CCDC69: variants seen among roughly 807,000 people sequenced by gnomAD.
The protein encoded by CCDC69 is coiled-coil domain containing 69.
Under a neutral mutation model 40.3 loss-of-function variants are expected in CCDC69, and 38 were observed. That is an observed-to-expected ratio of 0.94 (90% CI 0.73 to 1.24). The LOEUF is 1.24. Among genes scored for constraint, CCDC69 ranks in the 50% most tolerant of loss-of-function variants. The pLI, the probability that CCDC69 is intolerant of heterozygous loss-of-function variation, is 0.00. For synonymous variants in CCDC69, 141 were observed against 138.9 expected (o/e 1.02, Z -0.11); for missense variants, 389 against 357.9 (o/e 1.09, Z -0.70).
intron 4 of CCDC69, among the ~76,000 whole-genome samples, chr5:151,192,530 T>C (rs558434394): frequency 6.6e-6 from 1 of 152,294 alleles, no homozygotes; most frequent in South Asian, 2.1e-4. Flanking sequence ...ATTGAATTTG[T>C]TGTTAAACAC....
Position 151,199,192 on chromosome 5 carries a change from C to T in CCDC69, c.232-108G>A, listed in dbSNP as rs180965474. ...GAACTTGGTGACCAGAGTCCTAACC[C>T]TTCCTCTGAGGGATGGGAATGACAC... On this transcript the variant is annotated intron_variant, in intron 3 of 8. Coordinates refer to ENST00000355417, the MANE Select transcript of CCDC69 (RefSeq NM_015621.3). 440 of 863,366 alleles carry T rather than the reference C, an allele frequency of 5.1e-4. 4 individuals are homozygous for T. In the East Asian group the frequency reaches 9.7e-3, roughly 19 times the overall value. 53.5% of individuals were successfully genotyped at this position (863,366 alleles called of 1,614,324 possible).
intron 6 of CCDC69, 35 bp downstream of exon 6, chr5:151,185,988 C>T (rs1171612555): frequency 1.4e-6 from 2 of 1,475,682 alleles, no homozygotes; most frequent in South Asian, 1.1e-5. Flanking sequence ...CCTGGAGATT[C>T]AAGGAGGAAA....
At chr5:151,214,406 GT>G (rs1753004303) in intron 1 of CCDC69, among the ~76,000 whole-genome samples, 1 of 151,934 alleles carries the variant, frequency 6.6e-6, no homozygotes. Flanking sequence ...GTTGAGAAAT[GT>G]TAGTGTTCAC....
chr5:151,201,704 C>CA lies in CCDC69; in HGVS notation c.125-17dup, dbSNP rs1222060128. Reference sequence around the variant, plus strand: ...ACAGTTATAGCTAGAGATGAAAAAGCAAAAAAATAAAAATAAAAAAACTCA... The same window carrying CA: ...ACAGTTATAGCTAGAGATGAAAAAGCAAAAAAAATAAAAATAAAAAAACTCA... On this transcript the variant is annotated splice_polypyrimidine_tract_variant and intron_variant, in intron 2 of 8. Coordinates refer to ENST00000355417, the MANE Select transcript of CCDC69 (RefSeq NM_015621.3). The CA allele has an allele frequency of 3.2e-6, 5 of 1,543,808 alleles. No individual in the cohort carries two copies. The highest frequency in any genetic ancestry group is 1.2e-5 in the South Asian group (1 of 84,430).
chr5:151,184,195 T>G lies in CCDC69; in HGVS notation c.713+149A>C, dbSNP rs908563458. ...AGCAGAACTGCCCCCTTGGGTTTCT[T>G]GACTCCCAGGGAAAGAGGAGCCACA... On this transcript the variant is annotated intron_variant, in intron 8 of 8. Transcript: ENST00000355417. 6 of 630,888 alleles carry G rather than the reference T, an allele frequency of 9.5e-6. No individual in the cohort carries two copies. In the Admixed American group the frequency reaches 1.5e-4, roughly 15 times the overall value. The allele number at this position is 630,888 out of a possible 1,614,324, so 39.1% of individuals were successfully genotyped here.
At position 151,183,107 on chromosome 5, in the gene CCDC69, C is replaced by A. The variant is rs1766667054; in HGVS notation, c.*330G>T. On this transcript the variant is annotated 3_prime_UTR_variant, in exon 9 of 9. Coordinates refer to ENST00000355417, the MANE Select transcript of CCDC69 (RefSeq NM_015621.3). ...GGACCAGGGGCTGTCTCCTTTATGT[C>A]AAATGGCCAGCGTGACACAGACTGC... 1 of 506,798 alleles carries A rather than the reference C, an allele frequency of 2.0e-6. No individual in the cohort carries two copies. 31.4% of individuals were successfully genotyped at this position (506,798 alleles called of 1,614,324 possible).
intron 1 of CCDC69, among the ~76,000 whole-genome samples, chr5:151,208,884 G>T (rs1187956967): frequency 6.6e-6 from 1 of 152,208 alleles, no homozygotes; most frequent in East Asian, 1.9e-4. Context: ...ACGTCTGGTG[G>T]TTTAACTGGA....
chr5:151,212,964 G>A (rs1752974571), intron 1 of CCDC69: 1 of 446,766 alleles, frequency 2.2e-6, no homozygotes, highest in Non-Finnish European at 4.5e-6. Flanking sequence ...GCAAGAAGAG[G>A]TTGGAGAGTC....
chr5:151,206,874 C>T (rs1752860348), intron 1 of CCDC69, among the ~76,000 whole-genome samples: 1 of 151,874 alleles, frequency 6.6e-6, no homozygotes, highest in Non-Finnish European at 1.5e-5. Context: ...TTGTGATCTA[C>T]CCGCCTCAGC....
At chr5:151,196,806 C>G (rs190410685) in intron 4 of CCDC69, among the ~76,000 whole-genome samples, 30 of 152,292 alleles carry the variant, frequency 2.0e-4, no homozygotes, top group African/African-American at 7.0e-4. Context: ...CTGTGGAAAA[C>G]AGTTTGGCAG....
chr5:151,209,142 G>A (rs1384218094), intron 1 of CCDC69, among the ~76,000 whole-genome samples: 3 of 152,208 alleles, frequency 2.0e-5, no homozygotes, highest in Admixed American at 1.3e-4. Flanking sequence ...ATCCAACACC[G>A]TGTGACTGTA....
intron 8 of CCDC69, among the ~76,000 whole-genome samples, chr5:151,183,928 C>A (rs1766681641): frequency 6.6e-6 from 1 of 152,048 alleles, no homozygotes; most frequent in Non-Finnish European, 1.5e-5. Flanking sequence ...AGAATAGGAC[C>A]CAGCTCTTAG....
rs1247017556 is a variant in CCDC69 at position 151,199,088 on chromosome 5, G to A, written c.232-4C>T. ...CTAGCTCCCTTTCCTTCTCCACCTG[G>A]GGGCAGAGAGTCCCGGGCAGGACTG... On this transcript the variant is annotated splice_region_variant and splice_polypyrimidine_tract_variant and intron_variant, in intron 3 of 8. Coordinates refer to ENST00000355417, the MANE Select transcript of CCDC69 (RefSeq NM_015621.3). 1 of 1,611,946 alleles carries A rather than the reference G, an allele frequency of 6.2e-7. No individual in the cohort carries two copies. The highest frequency in any genetic ancestry group is 8.5e-7 in the Non-Finnish European group (1 of 1,178,540).
intron 4 of CCDC69, among the ~76,000 whole-genome samples, chr5:151,198,451 G>T (rs917888790): frequency 1.3e-5 from 2 of 152,162 alleles, no homozygotes; most frequent in African/African-American, 2.4e-5. Context: ...CTGGGCTCAA[G>T]CAATCTATCC....
chr5:151,210,105 C>T lies in CCDC69; in HGVS notation c.49-4630G>A, dbSNP rs76851681. Among the ~76,000 whole-genome samples, 1,037 of 152,246 alleles carry T rather than the reference C, an allele frequency of 6.8e-3. 19 individuals carry two copies. The highest frequency in any genetic ancestry group is 0.024 in the African/African-American group (1,001 of 41,532). On this transcript the variant is annotated intron_variant, in intron 1 of 8. Coordinates refer to ENST00000355417, the MANE Select transcript of CCDC69 (RefSeq NM_015621.3). ...CTTACTTTTTCAAATATATTACGAG[C>T]ACTTACTACACAGCATTAACTATTC...
At chr5:151,215,988 C>A (rs893772546) in intron 1 of CCDC69, among the ~76,000 whole-genome samples, 1 of 152,166 alleles carries the variant, frequency 6.6e-6, no homozygotes, top group East Asian at 1.9e-4. Context: ...TAAACTATTT[C>A]TTTTCTGTCA....
rs1766619818 is a variant in CCDC69 at position 151,181,239 on chromosome 5, C to CG, written c.*2197dup. ...CTTTTTTCTTTTCTTTTTTTTGAGA[C>CG]GGAGTCTTGCTCTGTCACCCGGGCT... is the stretch of plus-strand genomic sequence containing the variant. On this transcript the variant is annotated 3_prime_UTR_variant, in exon 9 of 9. Transcript: ENST00000355417. 6.6e-6 allele frequency: 1 copy of CG among 151,984 alleles called. No individual in the cohort carries two copies. Among genetic ancestry groups the CG allele is most frequent in the Non-Finnish European group, 1.5e-5 (1 of 68,030 alleles). 9.4% of individuals were successfully genotyped at this position (151,984 alleles called of 1,614,324 possible). A position where few individuals can be genotyped will look rare whatever the true frequency, so the allele number is the denominator to read the frequency against.
chr5:151,196,614 A>C (rs1454011059), intron 4 of CCDC69, among the ~76,000 whole-genome samples: 1 of 152,224 alleles, frequency 6.6e-6, no homozygotes, highest in Non-Finnish European at 1.5e-5. Context: ...ACCAAGAAGC[A>C]CATGAAAAGA....
At chr5:151,192,022 C>T (rs1752619369) in intron 4 of CCDC69, among the ~76,000 whole-genome samples, 1 of 135,630 alleles carries the variant, frequency 7.4e-6, no homozygotes, top group South Asian at 2.5e-4. Context: ...GAGTTTGAGG[C>T]TGCCCTGAGC....
Sources: allele counts gnomAD v4.1 joint callset (sites outside exome capture counted in the v4.1 genomes callset), GRCh38; gene constraint gnomAD v4.1.1; transcripts MANE v1.5; gene names NCBI Gene and HGNC (gene_info 2026-07-23, HGNC 2026-07-21).